CTIF: variants seen among roughly 807,000 people sequenced by gnomAD.
CTIF encodes cap binding complex dependent translation initiation factor.
In CTIF, 21 loss-of-function variants were observed where a neutral mutation model predicts 66.0. The ratio of observed to expected loss-of-function variants is 0.32; its 90% confidence interval spans 0.23 to 0.46. CTIF has a LOEUF of 0.46. Ranked by LOEUF, CTIF falls within the 20% of genes least tolerant of loss-of-function variation. The pLI is 1.00. For synonymous variants in CTIF, 345 were observed against 326.4 expected (o/e 1.06, Z -0.62); for missense variants, 739 against 812.7 (o/e 0.91, Z 1.10).
At chr18:48,646,755 A>G (rs1045617314) in intron 3 of CTIF, among the ~76,000 whole-genome samples, 2 of 151,292 alleles carry the variant, frequency 1.3e-5, no homozygotes, top group African/African-American at 4.9e-5. Flanking sequence ...AAAAAAAAAA[A>G]AGAAAATAAA....
intron 3 of CTIF, among the ~76,000 whole-genome samples, chr18:48,661,563 G>A (rs2091348280): frequency 6.6e-6 from 1 of 152,182 alleles, no homozygotes; most frequent in African/African-American, 2.4e-5. Flanking sequence ...CTGACCTGGA[G>A]TTTCAGAGTT....
At chr18:48,838,983 C>T (rs905436512) in intron 10 of CTIF, among the ~76,000 whole-genome samples, 3 of 152,210 alleles carry the variant, frequency 2.0e-5, no homozygotes, top group African/African-American at 2.4e-5. Context: ...CACCTCCTCC[C>T]GGAGAAGGAC....
intron 6 of CTIF, among the ~76,000 whole-genome samples, chr18:48,694,125 C>T (rs1319905815): frequency 2.0e-5 from 3 of 152,248 alleles, no homozygotes; most frequent in Admixed American, 6.5e-5. Flanking sequence ...CTGCTCCCAC[C>T]CTCTGGTCCC....
At chr18:48,576,725 A>G (rs560145578) in intron 1 of CTIF, among the ~76,000 whole-genome samples, 1 of 152,354 alleles carries the variant, frequency 6.6e-6, no homozygotes, top group South Asian at 2.1e-4. Context: ...AGCAGAGAAT[A>G]AAAGGACGCA....
chr18:48,597,587 C>A (rs1235394026), intron 1 of CTIF, among the ~76,000 whole-genome samples: 1 of 143,856 alleles, frequency 7.0e-6, no homozygotes, highest in Non-Finnish European at 1.5e-5. Flanking sequence ...CTTGCTCCTG[C>A]CCTGGCCATG....
At chr18:48,751,454 C>T (rs1907804852) in intron 7 of CTIF, among the ~76,000 whole-genome samples, 1 of 152,236 alleles carries the variant, frequency 6.6e-6, no homozygotes, top group Non-Finnish European at 1.5e-5. Flanking sequence ...GGACCCTCAG[C>T]TTCATGAAGG....
intron 9 of CTIF, among the ~76,000 whole-genome samples, chr18:48,814,292 TGCACGTTAGAATCAGCTGGGGA>T (rs893212362): frequency 6.6e-6 from 1 of 152,132 alleles, no homozygotes; most frequent in Non-Finnish European, 1.5e-5. Flanking sequence ...GAGCCATGGT[TGCACGTTAGAATCAGCTGGGGA>T]GCTGCCAAAA....
chr18:48,552,092 G>A (rs780457883), intron 1 of CTIF, among the ~76,000 whole-genome samples: 1 of 152,176 alleles, frequency 6.6e-6, no homozygotes. Flanking sequence ...GTGAGCCACC[G>A]TGCCTGGCCT....
At chr18:48,623,540 GTTT>G (rs59456710) in intron 2 of CTIF, among the ~76,000 whole-genome samples, 1 of 139,146 alleles carries the variant, frequency 7.2e-6, no homozygotes, top group Non-Finnish European at 1.6e-5. Context: ...ACTTTGGCTT[GTTT>G]TTTTTTTTAA....
chr18:48,707,711 A>G (rs1043461227), intron 6 of CTIF, among the ~76,000 whole-genome samples: 1 of 151,722 alleles, frequency 6.6e-6, no homozygotes, highest in African/African-American at 2.4e-5. Flanking sequence ...TACCTTTTTA[A>G]TTGAGATATA....
At chr18:48,573,884 G>A (rs1274935108) in intron 1 of CTIF, among the ~76,000 whole-genome samples, 3 of 152,240 alleles carry the variant, frequency 2.0e-5, no homozygotes, top group African/African-American at 7.2e-5. Flanking sequence ...GCCTCTGGCC[G>A]CCTCTGTATC....
intron 9 of CTIF, among the ~76,000 whole-genome samples, chr18:48,770,594 A>G (rs979462537): frequency 1.3e-5 from 2 of 152,206 alleles, no homozygotes; most frequent in Non-Finnish European, 2.9e-5. Flanking sequence ...CTGCAGCTTC[A>G]TGAATCAGGT....
chr18:48,719,865 T>C lies in CTIF; in HGVS notation c.584+8170T>C, dbSNP rs140106467. On this transcript the variant is annotated intron_variant, in intron 7 of 11. Coordinates refer to ENST00000256413, the MANE Select transcript of CTIF (RefSeq NM_014772.3). ...GCTGTGATGTGCCTTCCGGAGAAAA[T>C]GTGTGTGTTAGATAAGCATCACTCA... 2.5e-3 allele frequency among the ~76,000 whole-genome samples: 375 copies of C among 152,262 alleles called. 2 individuals carry two copies. The highest frequency in any genetic ancestry group is 0.014 in the Middle Eastern group (4 of 294).
At chr18:48,765,772 A>G (rs1205194184) in intron 9 of CTIF, among the ~76,000 whole-genome samples, 2 of 152,192 alleles carry the variant, frequency 1.3e-5, no homozygotes, top group Non-Finnish European at 2.9e-5. Context: ...TTGGGGTCTC[A>G]GAGGACCCCG....
intron 7 of CTIF, among the ~76,000 whole-genome samples, chr18:48,730,712 C>CGGTGTGAGGGGCTTCT (rs1555681537): frequency 0.029 from 2,068 of 71,170 alleles, 310 homozygotes; most frequent in Non-Finnish European, 0.037. Flanking sequence ...GAGGGGCTTC[C>CGGTGTGAGGGGCTTCT]GCGGTGTGAG....
chr18:48,733,899 G>A (rs2092476959), intron 7 of CTIF, among the ~76,000 whole-genome samples: 2 of 152,186 alleles, frequency 1.3e-5, no homozygotes, highest in South Asian at 4.1e-4. Context: ...GGCTGTCTCA[G>A]AACTAAGCTT....
chr18:48,804,982 CCCAAGTCACAGGAA>C lies in CTIF; in HGVS notation c.1372-12234_1372-12221del, dbSNP rs2068115389. Among the ~76,000 whole-genome samples the C allele has an allele frequency of 2.6e-5, 4 of 152,196 alleles. No homozygotes were observed. The South Asian group carries it at 8.3e-4, about 31-fold the overall frequency. On this transcript the variant is annotated intron_variant, in intron 9 of 11. Coordinates refer to ENST00000256413, the MANE Select transcript of CTIF (RefSeq NM_014772.3). ...TGTTGTACTGATGAGTTCTTTTTGT[CCCAAGTCACAGGAA>C]CCAACTTGAGGTGGCTTAACATTGC...
intron 10 of CTIF, among the ~76,000 whole-genome samples, chr18:48,857,045 C>T (rs2069344465): frequency 6.6e-6 from 1 of 152,146 alleles, no homozygotes; most frequent in Admixed American, 6.5e-5. Flanking sequence ...CAGTTCCAGC[C>T]CCTGAGTAAG....
chr18:48,714,109 C>A (rs1049754801), intron 7 of CTIF, among the ~76,000 whole-genome samples: 2 of 152,142 alleles, frequency 1.3e-5, no homozygotes, highest in African/African-American at 4.8e-5. Context: ...TTCTGCCACC[C>A]AAAGAGCCGC....
Sources: gnomAD v4.1 joint callset for allele counts (sites outside exome capture counted in the v4.1 genomes callset) on GRCh38, gnomAD v4.1.1 for gene constraint, MANE v1.5 for transcripts, NCBI Gene and HGNC (gene_info 2026-07-23, HGNC 2026-07-21) for gene names.